The following PCDH15 variants were observed in gnomAD, a reference collection of about 807,000 sequenced individuals.
PCDH15 encodes protocadherin related 15.
PCDH15 carries 129 observed loss-of-function variants against 178.5 expected under a neutral mutation model. The observed-to-expected ratio is 0.72, with a 90% confidence interval of 0.63 to 0.84. PCDH15 has a LOEUF of 0.84. PCDH15 is among the 40% of genes least tolerant of loss of function. The probability of loss-of-function intolerance (pLI) is 0.00; values close to 1 mark genes in which losing one functional copy is unlikely to be tolerated. For missense variants in PCDH15, 2,230 were observed against 2,099.9 expected, an observed-to-expected ratio of 1.06 and a Z score of -1.21; for synonymous variants, 800 against 732.0, an observed-to-expected ratio of 1.09 and a Z score of -1.50.
chr10:54,674,547 GC>G (rs2094744552), intron 1 of PCDH15, among the ~76,000 whole-genome samples: 1 of 152,044 alleles, frequency 6.6e-6, no homozygotes, highest in African/African-American at 2.4e-5. Flanking sequence ...TATATATTAA[GC>G]TTTTACCATT....
At chr10:54,215,930 C>A (rs1169119716) in intron 9 of PCDH15, among the ~76,000 whole-genome samples, 1 of 147,150 alleles carries the variant, frequency 6.8e-6, no homozygotes, top group African/African-American at 2.5e-5. Flanking sequence ...GTAGTCCCAG[C>A]TACTTGGGAG....
intron 2 of PCDH15, among the ~76,000 whole-genome samples, chr10:55,484,323 G>A (rs1840252262): frequency 6.6e-6 from 1 of 151,556 alleles, no homozygotes; most frequent in Non-Finnish European, 1.5e-5. Flanking sequence ...ATTTATAAAA[G>A]TTGTCTATAA....
At chr10:54,299,914 T>C (rs1190225143) in intron 8 of PCDH15, among the ~76,000 whole-genome samples, 2 of 152,166 alleles carry the variant, frequency 1.3e-5, no homozygotes, top group East Asian at 3.9e-4. Context: ...TAAAGAAAAA[T>C]TATAATCCCA....
At chr10:54,327,806 T>C (rs370229825) in intron 7 of PCDH15, among the ~76,000 whole-genome samples, 5 of 152,074 alleles carry the variant, frequency 3.3e-5, no homozygotes, top group African/African-American at 1.2e-4. Context: ...CTTCAGAGTA[T>C]AGCTGCTTTA....
intron 3 of PCDH15, among the ~76,000 whole-genome samples, chr10:54,417,203 A>G (rs1954558044): frequency 6.6e-6 from 1 of 152,120 alleles, no homozygotes; most frequent in African/African-American, 2.4e-5. Flanking sequence ...AAAATTTTTT[A>G]GTGTTATTCG....
At chr10:55,484,648 TA>T (rs1480311197) in intron 2 of PCDH15, among the ~76,000 whole-genome samples, 1 of 151,530 alleles carries the variant, frequency 6.6e-6, no homozygotes, top group African/African-American at 2.4e-5. Flanking sequence ...AAACACTATA[TA>T]GTCATAATAA....
chr10:55,133,600 C>T (rs184682541), intron 2 of PCDH15, among the ~76,000 whole-genome samples: 5 of 152,084 alleles, frequency 3.3e-5, no homozygotes, highest in African/African-American at 1.2e-4. Context: ...TCTTATGCCC[C>T]ACCTCCTTTC....
chr10:55,009,273 T>TGTGC (rs3073621), intron 2 of PCDH15, among the ~76,000 whole-genome samples: 1 of 151,864 alleles, frequency 6.6e-6, no homozygotes, highest in South Asian at 2.1e-4. Context: ...TGTGTGTGTG[T>TGTGC]TTGTGCCTTT....
At chr10:55,129,390 C>A (rs1162684305) in intron 2 of PCDH15, among the ~76,000 whole-genome samples, 1 of 152,092 alleles carries the variant, frequency 6.6e-6, no homozygotes, top group Admixed American at 6.6e-5. Context: ...GGGCTGAGAA[C>A]TTTCTATGGC....
At chr10:54,098,368 C>T (rs913960965) in intron 15 of PCDH15, among the ~76,000 whole-genome samples, 22 of 152,180 alleles carry the variant, frequency 1.4e-4, no homozygotes, top group African/African-American at 5.1e-4. Flanking sequence ...AATTTGCTAT[C>T]ACCTTCATGA....
chr10:54,186,123 G>A (rs1415421046), intron 11 of PCDH15, among the ~76,000 whole-genome samples: 2 of 151,930 alleles, frequency 1.3e-5, no homozygotes, highest in African/African-American at 4.8e-5. Context: ...AAAGGCAGGT[G>A]GAGCGAAGAA....
intron 2 of PCDH15, among the ~76,000 whole-genome samples, chr10:55,038,767 G>T (rs1305435737): frequency 1.4e-4 from 22 of 152,086 alleles, no homozygotes; most frequent in Non-Finnish European, 1.5e-5. Flanking sequence ...TGTTGGAAGG[G>T]ATTCACTATG....
rs917387756 is a variant in PCDH15 at position 54,037,785 on chromosome 10, A to G, written c.2221-14588T>C. 2.6e-5 allele frequency among the ~76,000 whole-genome samples: 4 copies of G among 152,148 alleles called. No homozygotes were observed. In the East Asian group the frequency reaches 5.8e-4, roughly 22 times the overall value. On this transcript the variant is annotated intron_variant, in intron 18 of 37. Transcript: ENST00000644397. The stretch of plus-strand genomic sequence containing the variant: ...TATCTACCAAGAATCTTTGCAGATA[A>G]TAAAGAAAGAAGTTATTGACTTATT...
chr10:54,094,574 C>A (rs535113772), intron 15 of PCDH15, among the ~76,000 whole-genome samples: 1 of 152,070 alleles, frequency 6.6e-6, no homozygotes, highest in African/African-American at 2.4e-5. Flanking sequence ...TGGAGGCAAG[C>A]AGCATGTGGA....
chr10:55,548,138 C>T (rs1214334499), intron 2 of PCDH15, among the ~76,000 whole-genome samples: 1 of 151,226 alleles, frequency 6.6e-6, no homozygotes, highest in African/African-American at 2.4e-5. Flanking sequence ...ATTTGAGACA[C>T]CTTACCTGAG....
intron 13 of PCDH15, among the ~76,000 whole-genome samples, chr10:54,157,657 G>A (rs373091301): frequency 2.0e-4 from 31 of 152,250 alleles, no homozygotes; most frequent in African/African-American, 7.2e-4. Context: ...GCAAATTTTT[G>A]CAGGTGGCTT....
At chr10:54,089,920 T>C in intron 16 of PCDH15, 64 bp downstream of exon 16, 2 of 1,271,808 alleles carry the variant, frequency 1.6e-6, no homozygotes, top group Non-Finnish European at 2.3e-6. Context: ...ATTAGAAGTC[T>C]GCTTTCTTAC....
rs143795353 is a variant in PCDH15 at position 54,377,092 on chromosome 10, C to T, written c.318+1690G>A. On this transcript the variant is annotated intron_variant, in intron 4 of 37. Transcript: ENST00000644397. ...TATAAATTTTATGTAAAAAGTAGGC[C>T]GACAGCAAAATGAACAGCATAATCC... 8.4e-3 allele frequency among the ~76,000 whole-genome samples: 1,270 copies of T among 151,358 alleles called. 11 individuals carry two copies. The highest frequency in any genetic ancestry group is 0.014 in the Non-Finnish European group (954 of 67,824).
intron 2 of PCDH15, among the ~76,000 whole-genome samples, chr10:54,942,617 C>A (rs190393643): frequency 1.1e-3 from 169 of 152,100 alleles, no homozygotes; most frequent in African/African-American, 3.8e-3. Context: ...ATCACAGCCA[C>A]ACATCTGCAC....
Sources: gnomAD v4.1 joint callset for allele counts (sites outside exome capture counted in the v4.1 genomes callset) on GRCh38, gnomAD v4.1.1 for gene constraint, MANE v1.5 for transcripts, NCBI Gene and HGNC (gene_info 2026-07-23, HGNC 2026-07-21) for gene names.